RIF1: variants seen among roughly 807,000 people sequenced by gnomAD.
The protein encoded by RIF1 is telomere-associated protein RIF1.
In RIF1, 45 loss-of-function variants were observed where a neutral mutation model predicts 247.1. The ratio of observed to expected loss-of-function variants is 0.18; its 90% CI spans 0.14 to 0.23. The LOEUF (loss-of-function observed/expected upper bound fraction) is 0.23, where lower values mean the gene tolerates loss of function less well. Among genes scored for constraint, RIF1 ranks in the 10% least tolerant of loss-of-function variants. The probability of loss-of-function intolerance (pLI) is 1.00; values close to 1 mark genes in which losing one functional copy is unlikely to be tolerated. For missense variants in RIF1, 2,967 were observed against 2,862.5 expected (o/e 1.04, Z -0.83); for synonymous variants, 1,087 against 978.8 (o/e 1.11, Z -2.06).
At chr2:151,533,681 A>G in the RIF1 span, 68 of 611,650 alleles carry the variant, frequency 1.1e-4, no homozygotes, top group East Asian at 6.4e-4. Context: ...GTGCGGGTGA[A>G]GACATCAAAT....
intron 9 of RIF1, among the ~76,000 whole-genome samples, chr2:151,430,669 C>T (rs72860230): frequency 0.23 from 34,222 of 150,868 alleles, 4,636 homozygotes; most frequent in Admixed American, 0.36. Context: ...GGCATAGTTT[C>T]CCCCCCTCCC....
At chr2:151,415,653 C>T (rs1030825230) in intron 4 of RIF1, among the ~76,000 whole-genome samples, 2 of 148,722 alleles carry the variant, frequency 1.3e-5, no homozygotes, top group Admixed American at 6.8e-5. Flanking sequence ...GCGGGTGGAT[C>T]ACCTAAGGTC....
chr2:151,417,313 CTT>C (rs1687378625), intron 6 of RIF1, among the ~76,000 whole-genome samples: 1 of 152,192 alleles, frequency 6.6e-6, no homozygotes, highest in South Asian at 2.1e-4. Context: ...CGCATAAACT[CTT>C]TTAAGTGTAA....
At chr2:151,525,909 C>T in the RIF1 span, 2 of 1,400,396 alleles carry the variant, frequency 1.4e-6, no homozygotes, top group Non-Finnish European at 2.0e-6. Context: ...CCAGATTCTA[C>T]AGTCAAGTGG....
intron 23 of RIF1, among the ~76,000 whole-genome samples, chr2:151,456,867 G>T (rs1415770232): frequency 2.6e-5 from 4 of 151,906 alleles, no homozygotes; most frequent in African/African-American, 9.7e-5. Context: ...TGAGTAGCTG[G>T]GAGTACAGGC....
chr2:151,414,362 T>G (rs781677396), intron 3 of RIF1, among the ~76,000 whole-genome samples: 3 of 152,224 alleles, frequency 2.0e-5, no homozygotes, highest in Non-Finnish European at 4.4e-5. Context: ...TGTTTTATTT[T>G]ACTATTAATT....
intron 32 of RIF1, 28 bp downstream of exon 32, chr2:151,468,579 CTT>C: frequency 1.9e-6 from 3 of 1,605,042 alleles, no homozygotes; most frequent in Non-Finnish European, 2.6e-6. Context: ...TTTCATGTCA[CTT>C]TATATTTTCA....
chr2:151,531,169 CAA>C, the RIF1 span: 1 of 1,065,764 alleles, frequency 9.4e-7, no homozygotes. Flanking sequence ...AATATAAATG[CAA>C]AGTTTTTTCC....
At chr2:151,469,967 GATTC>G in intron 34 of RIF1, 103 bp downstream of exon 34, 2 of 789,606 alleles carry the variant, frequency 2.5e-6, no homozygotes, top group Non-Finnish European at 3.9e-6. Context: ...CAGGGAAATT[GATTC>G]ATTTATTTTG....
chr2:151,496,307 C>G (rs773623758), intron 10 of RIF1: 2 of 1,611,542 alleles, frequency 1.2e-6, no homozygotes, highest in Non-Finnish European at 1.7e-6. Context: ...GTGTTTGACT[C>G]GCTCCATCTC....
chr2:151,514,935 T>G, the RIF1 span: 1 of 1,510,314 alleles, frequency 6.6e-7, no homozygotes, highest in African/African-American at 1.4e-5. Context: ...CTTTCTAATG[T>G]AAGTAGGAAG....
Position 151,462,438 on chromosome 2 carries a change from C to T in RIF1, c.3335C>T (p.Pro1112Leu). The T allele has an allele frequency of 1.9e-6, 3 of 1,560,238 alleles. No individual in the cohort carries two copies. Among genetic ancestry groups the T allele is most frequent in the South Asian group, 1.2e-5 (1 of 80,410 alleles). The change falls in exon 29 of 36, where the codon CCA becomes CTA. Residue 1112 changes from proline to leucine, a missense_variant. Pro to Leu is a moderately conservative substitution (Grantham distance 98). Around this residue, in one of 7 missense-constraint regions of RIF1, gnomAD observed 2,028 missense variants for 1,825.6 expected, o/e 1.11. Transcript: ENST00000444746. ...PMEIPTLTRKPKEDSKMMITE... is the reference protein window; with the variant it reads ...PMEIPTLTRKLKEDSKMMITE... ...GAAATTCCTACTTTAACCAGAAAAC[C>T]AAAGGAGGATTCTAAGATGATGATT...
chr2:151,490,996 C>G (rs770753181), intron 9 of RIF1, among the ~76,000 whole-genome samples: 63 of 151,932 alleles, frequency 4.1e-4, no homozygotes, highest in Admixed American at 9.2e-4. Context: ...GATCAGAAAA[C>G]TGGAGTATAA....
chr2:151,519,700 C>G, the RIF1 span: 239 of 1,613,214 alleles, frequency 1.5e-4, 1 homozygote, highest in Non-Finnish European at 5.3e-5. Flanking sequence ...CTTTGTAGAG[C>G]TGGCTGTCTT....
Position 151,455,134 on chromosome 2 carries a change from C to G in RIF1, c.2584C>G (p.Leu862Val), listed in dbSNP as rs1694967755. ...RKIFATLTRP[L>V]ALFYENSKLD... ...AATATTTGCAACTTTAACAAGACCT[C>G]TGGCATTATTTTATGAAAACTCAAA... The change falls in exon 22 of 36, where the codon CTG (leucine) becomes GTG (valine). Residue 862 changes from leucine (L) to valine (V), a missense_variant. Coordinates refer to ENST00000444746, the MANE Select transcript of RIF1 (RefSeq NM_018151.5). 2 of 1,611,174 alleles carry G rather than the reference C, an allele frequency of 1.2e-6. No homozygotes were observed. The highest frequency in any genetic ancestry group is 1.7e-6 in the Non-Finnish European group (2 of 1,178,652).
In RIF1 at chr2:151,479,540, G is replaced by T. The variant is rs954677614; in HGVS notation, c.*4469G>T. On this transcript the variant is annotated 3_prime_UTR_variant, in exon 36 of 36. Transcript: ENST00000444746. Reference sequence around the variant, plus strand: ...CAACACTACCCCTAATATTAATCTGGCAGTTAAATTTAGTAGTGCTATAAT... The same window carrying T: ...CAACACTACCCCTAATATTAATCTGTCAGTTAAATTTAGTAGTGCTATAAT... The T allele has an allele frequency of 6.6e-6, 1 of 152,010 alleles. No homozygotes were observed. Among genetic ancestry groups the T allele is most frequent in the East Asian group, 1.9e-4 (1 of 5,194 alleles). 9.4% of individuals were successfully genotyped at this position (152,010 alleles called of 1,614,324 possible).
At chr2:151,501,340 G>A in intron 11 of RIF1, 1 of 1,236,846 alleles carries the variant, frequency 8.1e-7, no homozygotes, top group Non-Finnish European at 1.2e-6. Context: ...GTTCTGTTTT[G>A]TAGAAATTAT....
chr2:151,530,102 G>GT, the RIF1 span, among the ~76,000 whole-genome samples: 17 of 152,044 alleles, frequency 1.1e-4, no homozygotes, highest in Non-Finnish European at 2.5e-4. Flanking sequence ...GGCAAAAACT[G>GT]TTTATCATCC....
At chr2:151,512,642 C>T, downstream of RIF1, 3 of 953,348 alleles carry the variant, frequency 3.1e-6, no homozygotes, top group Non-Finnish European at 3.3e-6. Flanking sequence ...AAAAACTGAT[C>T]TGAAGAATCT....
Sources: allele counts gnomAD v4.1 joint callset (sites outside exome capture counted in the v4.1 genomes callset), GRCh38; gene constraint gnomAD v4.1.1; regional missense constraint gnomAD v4.1.1; transcripts MANE v1.5; gene names NCBI Gene and HGNC (gene_info 2026-07-23, HGNC 2026-07-21).